RGS9: variants seen among roughly 807,000 people sequenced by gnomAD.
RGS9 encodes the protein regulator of G-protein signalling 9.
RGS9 carries 78 observed loss-of-function variants against 102.0 expected under a neutral mutation model. The ratio of observed to expected loss-of-function variants is 0.76; its 90% confidence interval spans 0.64 to 0.92. RGS9 has a LOEUF of 0.92. Among genes scored for constraint, RGS9 ranks in the 40% least tolerant of loss-of-function variants. RGS9 has a pLI of 0.00. For missense variants in RGS9, 833 were observed against 866.1 expected, an observed-to-expected ratio of 0.96 and a Z score of 0.48; for synonymous variants, 353 against 318.6, an observed-to-expected ratio of 1.11 and a Z score of -1.15.
At chr17:65,140,826 T>A (rs1910128669) in intron 1 of RGS9, among the ~76,000 whole-genome samples, 1 of 151,334 alleles carries the variant, frequency 6.6e-6, no homozygotes, top group Admixed American at 6.6e-5. Flanking sequence ...AGTAACTGAG[T>A]TCACAAGTTC....
intron 1 of RGS9, among the ~76,000 whole-genome samples, chr17:65,145,562 T>A (rs753608663): frequency 0.13 from 18,150 of 141,718 alleles, 2,599 homozygotes; most frequent in African/African-American, 0.36. Context: ...TTTTTTTTTT[T>A]TTAATATATT....
intron 1 of RGS9, among the ~76,000 whole-genome samples, chr17:65,142,895 G>GTTTC (rs982114971): frequency 6.6e-6 from 1 of 151,492 alleles, no homozygotes; most frequent in African/African-American, 2.4e-5. Flanking sequence ...TTTTCTTTTT[G>GTTTC]TTTCTTTCTT....
intron 9 of RGS9, among the ~76,000 whole-genome samples, chr17:65,179,124 G>A (rs1299163854): frequency 6.6e-6 from 1 of 152,122 alleles, no homozygotes; most frequent in Non-Finnish European, 1.5e-5. Flanking sequence ...CATCTATAGG[G>A]CTCTGCAGAG....
At chr17:65,158,779 G>A (rs1054298981) in intron 3 of RGS9, 4 of 287,296 alleles carry the variant, frequency 1.4e-5, no homozygotes, top group African/African-American at 6.5e-5. Flanking sequence ...GGCTATGGAG[G>A]GTGGCAGAGG....
rs890858394 is a variant in RGS9, at chr17:65,198,819, C to T, written c.976+1578C>T. On this transcript the variant is annotated intron_variant, in intron 13 of 18. Transcript: ENST00000262406. The stretch of plus-strand genomic sequence containing the variant: ...ACATGCCTTTAGCCTGGCTGACTGC[C>T]GGATGCAAAACATTACATGATAATA... 4.6e-5 allele frequency among the ~76,000 whole-genome samples: 7 copies of T among 152,200 alleles called. No homozygotes were observed. The South Asian group carries it at 8.3e-4, about 18-fold the overall frequency.
At position 65,158,284 on chromosome 17, in the gene RGS9, T is replaced by C. The variant is rs1365622357; in HGVS notation, c.155-11T>C. On this transcript the variant is annotated splice_polypyrimidine_tract_variant and intron_variant, in intron 2 of 18. Coordinates refer to ENST00000262406, the MANE Select transcript of RGS9 (RefSeq NM_003835.4). ...CTATGACAATAACCGCAAATGTCTC[T>C]TGTTTTTCAGGAAGTGATGTTCTGC... 4 of 1,614,070 alleles carry C rather than the reference T, an allele frequency of 2.5e-6. No homozygotes were observed. Among genetic ancestry groups the C allele is most frequent in the Middle Eastern group, 1.7e-4 (1 of 6,056 alleles).
intron 8 of RGS9, among the ~76,000 whole-genome samples, chr17:65,176,910 CCATCT>C (rs1414745494): frequency 1.3e-5 from 2 of 151,900 alleles, no homozygotes; most frequent in East Asian, 1.9e-4. Context: ...ATCCATCCAT[CCATCT>C]CTTCACCCAT....
In RGS9 at chr17:65,225,194, T is replaced by A; in HGVS notation, c.1600T>A (p.Ser534Thr). The A allele has an allele frequency of 6.2e-7, 1 of 1,613,312 alleles. No homozygotes were observed. The highest frequency in any genetic ancestry group is 1.1e-5 in the South Asian group (1 of 91,074). ...SPIRVALESS[S>T]GLEQKGECSG... ...CATCAGAGTGGCCTTGGAGAGCTCA[T>A]CGGGCTTGGAGCAGAAAGGGGAGTG... The change falls in exon 18 of 19, where the codon TCG becomes ACG. Residue 534 changes from serine (S) to threonine (T), a missense_variant. Physicochemically the swap from Ser to Thr is moderately conservative, Grantham distance 58. Transcript: ENST00000262406.
intron 17 of RGS9, among the ~76,000 whole-genome samples, chr17:65,220,890 A>T (rs1353942538): frequency 6.6e-6 from 1 of 152,146 alleles, no homozygotes; most frequent in South Asian, 2.1e-4. Flanking sequence ...AAACAAAACA[A>T]TGCTAAGCTC....
At chr17:65,151,354 AAAAAG>A (rs1252342573) in intron 1 of RGS9, among the ~76,000 whole-genome samples, 3 of 137,882 alleles carry the variant, frequency 2.2e-5, no homozygotes, top group African/African-American at 9.5e-5. Context: ...AAAAAAAAAA[AAAAAG>A]AGTCCTTCAG....
intron 15 of RGS9, among the ~76,000 whole-genome samples, chr17:65,206,166 A>G (rs1913056870): frequency 6.6e-6 from 1 of 152,154 alleles, no homozygotes; most frequent in East Asian, 1.9e-4. Context: ...CTTTTATTGT[A>G]TCATTTAAAA....
At chr17:65,151,012 T>C (rs1407237518) in intron 1 of RGS9, among the ~76,000 whole-genome samples, 6 of 152,160 alleles carry the variant, frequency 3.9e-5, no homozygotes, top group Non-Finnish European at 8.8e-5. Context: ...TCTCTAGTCA[T>C]CTTTGTTGAC....
At chr17:65,206,098 G>A (rs1913054901) in intron 15 of RGS9, among the ~76,000 whole-genome samples, 1 of 152,180 alleles carries the variant, frequency 6.6e-6, no homozygotes, top group South Asian at 2.1e-4. Context: ...ATGTATATAG[G>A]TTTGTGTGAA....
intron 1 of RGS9, among the ~76,000 whole-genome samples, chr17:65,140,574 A>G (rs1910118835): frequency 6.6e-6 from 1 of 152,186 alleles, no homozygotes; most frequent in Non-Finnish European, 1.5e-5. Flanking sequence ...AGATTTGCAA[A>G]TTAAGAAGAT....
At chr17:65,175,631 C>G (rs1236960043) in intron 8 of RGS9, among the ~76,000 whole-genome samples, 2 of 152,130 alleles carry the variant, frequency 1.3e-5, no homozygotes, top group East Asian at 3.9e-4. Context: ...ATAAGAAGTG[C>G]CCCATAGATA....
At chr17:65,157,911 G>A (rs897014219) in intron 2 of RGS9, among the ~76,000 whole-genome samples, 1 of 152,032 alleles carries the variant, frequency 6.6e-6, no homozygotes, top group African/African-American at 2.4e-5. Context: ...TCTGTTTTGT[G>A]TGTGTGTATG....
chr17:65,213,646 G>T (rs1021409777), intron 17 of RGS9, among the ~76,000 whole-genome samples: 2 of 151,938 alleles, frequency 1.3e-5, no homozygotes, highest in African/African-American at 4.8e-5. Flanking sequence ...GTTCATCTTT[G>T]GCTCAGGTAT....
At chr17:65,174,603 A>T (rs1300070119) in intron 8 of RGS9, among the ~76,000 whole-genome samples, 1 of 149,540 alleles carries the variant, frequency 6.7e-6, no homozygotes, top group Non-Finnish European at 1.5e-5. Flanking sequence ...GAGTGTGCCT[A>T]GGTTTGTGCA....
intron 9 of RGS9, among the ~76,000 whole-genome samples, chr17:65,178,434 C>T (rs1035993038): frequency 6.6e-6 from 1 of 152,110 alleles, no homozygotes; most frequent in African/African-American, 2.4e-5. Context: ...AGCTGTTGAG[C>T]CCATGGCCCT....
Sources: gnomAD v4.1 joint callset for allele counts (sites outside exome capture counted in the v4.1 genomes callset) on GRCh38, gnomAD v4.1.1 for gene constraint, MANE v1.5 for transcripts, NCBI Gene and HGNC (gene_info 2026-07-23, HGNC 2026-07-21) for gene names.